The following RFWD3 variants were observed in gnomAD, a reference collection of about 807,000 sequenced individuals.
RFWD3 encodes the protein E3 ubiquitin-protein ligase RFWD3.
RFWD3 carries 65 observed loss-of-function variants against 87.7 expected under a neutral mutation model. That is an observed-to-expected ratio of 0.74 (90% CI 0.61 to 0.91). The LOEUF is 0.91. RFWD3 is among the 40% of genes least tolerant of loss of function. RFWD3 has a pLI of 0.00. For synonymous variants in RFWD3, 433 were observed against 352.8 expected (o/e 1.23, Z -2.55); for missense variants, 1,078 against 938.5 (o/e 1.15, Z -1.94).
chr16:74,657,886 TAAG>T (rs1231899239), intron 2 of RFWD3, among the ~76,000 whole-genome samples: 2 of 152,176 alleles, frequency 1.3e-5, no homozygotes, highest in African/African-American at 4.8e-5. Flanking sequence ...AAGCATTTCA[TAAG>T]AAGATTTAAT....
In RFWD3 at chr16:74,626,366, C is replaced by A. The variant is rs149104426; in HGVS notation, c.2158G>T (p.Asp720Tyr). ...NDGNILVCTGDEAANSALLWD... is the reference protein window; with the variant it reads ...NDGNILVCTGYEAANSALLWD... ...ACCAGGGCAGAATTTGCTGCTTCAT[C>A]CCCAGTACACACCAGGATGTTGCCA... The change falls in exon 12 of 13, where the codon GAT becomes TAT. Residue 720 changes from aspartate to tyrosine, a missense_variant. Asp to Tyr is a radical substitution (Grantham distance 160). Transcript: ENST00000361070. The A allele has an allele frequency of 3.8e-5, 62 of 1,614,032 alleles. No individual in the cohort carries two copies. Among genetic ancestry groups the A allele is most frequent in the Non-Finnish European group, 4.8e-5 (57 of 1,180,010 alleles).
intron 2 of RFWD3, among the ~76,000 whole-genome samples, chr16:74,659,509 C>A (rs190235353): frequency 2.9e-4 from 44 of 152,192 alleles, no homozygotes; most frequent in African/African-American, 1.1e-3. Context: ...GCACAAGAAT[C>A]GCTTGAACCC....
At chr16:74,656,888 C>T (rs1693005215) in intron 2 of RFWD3, among the ~76,000 whole-genome samples, 1 of 152,198 alleles carries the variant, frequency 6.6e-6, no homozygotes, top group South Asian at 2.1e-4. Flanking sequence ...CTCAAGACTT[C>T]AGTTAAGAAA....
rs962579633 is a variant in RFWD3 at position 74,652,187 on chromosome 16, G to C, written c.519-65C>G. On this transcript the variant is annotated intron_variant, in intron 2 of 12. Transcript: ENST00000361070. ...ACTATCATCACAAAAACAATCTATA[G>C]TGATTTGAAGTAAATCCTATCACTT... 4 of 1,419,288 alleles carry C rather than the reference G, an allele frequency of 2.8e-6. No homozygotes were observed. The African/African-American group carries it at 4.2e-5, about 15-fold the overall frequency. 87.9% of individuals were successfully genotyped at this position (1,419,288 alleles called of 1,614,324 possible).
At chr16:74,656,092 C>T (rs1271101484) in intron 2 of RFWD3, among the ~76,000 whole-genome samples, 2 of 152,010 alleles carry the variant, frequency 1.3e-5, no homozygotes, top group East Asian at 1.9e-4. Context: ...CACAGTGGCT[C>T]ACACCTGTAA....
At chr16:74,648,431 A>T (rs1269058806) in intron 4 of RFWD3, among the ~76,000 whole-genome samples, 2 of 150,802 alleles carry the variant, frequency 1.3e-5, no homozygotes, top group African/African-American at 4.9e-5. Flanking sequence ...CTGGGATTAC[A>T]GGTGTAAGCC....
chr16:74,643,546 T>C (rs1221639736), intron 6 of RFWD3, among the ~76,000 whole-genome samples: 1 of 152,166 alleles, frequency 6.6e-6, no homozygotes, highest in Non-Finnish European at 1.5e-5. Context: ...TGTCTCAAAA[T>C]GATTTTGCCT....
rs950372846 is a variant in RFWD3, at chr16:74,623,695, A to G, written c.*233T>C. The G allele has an allele frequency of 4.6e-6, 2 of 431,758 alleles. No homozygotes were observed. Among genetic ancestry groups the G allele is most frequent in the Non-Finnish European group, 4.1e-6 (1 of 245,054 alleles). 26.7% of individuals were successfully genotyped at this position (431,758 alleles called of 1,614,324 possible). ...ATGGTTAATGAAGGCTTTAAACCCA[A>G]GAAATGGATAATGTAGATAAAGTAC... is the stretch of plus-strand genomic sequence containing the variant. On this transcript the variant is annotated 3_prime_UTR_variant, in exon 13 of 13. Transcript: ENST00000361070.
chr16:74,638,772 G>T (rs908090078), intron 6 of RFWD3, among the ~76,000 whole-genome samples: 2 of 152,144 alleles, frequency 1.3e-5, no homozygotes, highest in Non-Finnish European at 2.9e-5. Flanking sequence ...AATTTTAACA[G>T]CAATCTAGAA....
At chr16:74,660,127 A>G (rs1483170232) in intron 2 of RFWD3, among the ~76,000 whole-genome samples, 3 of 152,194 alleles carry the variant, frequency 2.0e-5, no homozygotes, top group African/African-American at 7.2e-5. Context: ...CCATCTGCCT[A>G]TGTAGAAAAC....
intron 2 of RFWD3, chr16:74,660,726 C>A: frequency 1.8e-6 from 1 of 563,820 alleles, no homozygotes; most frequent in Non-Finnish European, 3.1e-6. Context: ...AAACTACCAC[C>A]TAGTTTTCAA....
chr16:74,637,278 T>TA (rs1055702990), intron 7 of RFWD3, among the ~76,000 whole-genome samples: 4 of 152,256 alleles, frequency 2.6e-5, no homozygotes, highest in African/African-American at 9.6e-5. Flanking sequence ...TTTAGGAAGG[T>TA]AAAATTACTT....
At chr16:74,648,859 G>A (rs570124676) in intron 4 of RFWD3, among the ~76,000 whole-genome samples, 1 of 152,264 alleles carries the variant, frequency 6.6e-6, no homozygotes, top group East Asian at 1.9e-4. Flanking sequence ...GCCGAGGCAG[G>A]ACGATACCTT....
intron 1 of RFWD3, among the ~76,000 whole-genome samples, chr16:74,662,036 T>C (rs1162110390): frequency 6.6e-6 from 1 of 152,104 alleles, no homozygotes; most frequent in African/African-American, 2.4e-5. Context: ...TCCATCATGT[T>C]AGCGTATTCA....
chr16:74,662,007 T>A lies in RFWD3; in HGVS notation c.-2-556A>T, dbSNP rs146313026. 6.4e-3 allele frequency among the ~76,000 whole-genome samples: 974 copies of A among 151,852 alleles called. 3 individuals are homozygous for A. Among genetic ancestry groups the A allele is most frequent in the Middle Eastern group, 0.01 (3 of 294 alleles). Reference sequence around the variant, plus strand: ...ACTTTATCCTATCCCTTTCATTATTTTTGTTTTCCATCTCTAATTCCATCA... The same window carrying A: ...ACTTTATCCTATCCCTTTCATTATTATTGTTTTCCATCTCTAATTCCATCA... On this transcript the variant is annotated intron_variant, in intron 1 of 12. Transcript: ENST00000361070.
At chr16:74,646,256 G>C (rs1960131552) in intron 4 of RFWD3, among the ~76,000 whole-genome samples, 1 of 152,120 alleles carries the variant, frequency 6.6e-6, no homozygotes, top group African/African-American at 2.4e-5. Context: ...CATGCCTGCA[G>C]TCCCAAGTAG....
At chr16:74,624,143 T>C (rs2143997743) in intron 12 of RFWD3, 72 bp from the exon 13 acceptor site, 1 of 1,526,420 alleles carries the variant, frequency 6.6e-7, no homozygotes, top group Non-Finnish European at 8.8e-7. Context: ...CTTCATCATC[T>C]AACAAGTCTG....
At position 74,632,659 on chromosome 16, in the gene RFWD3, T is replaced by C. The variant is rs377365468; in HGVS notation, c.1441A>G (p.Met481Val). ...ASFLPGFGVK[M>V]LSTANMKSSQ... ...CTCTTCATGTTGGCAGTACTCAACA[T>C]CTTAACACCAAAGCCTGAAAAAGGC... Residue 481 changes from methionine (M) to valine (V), a missense_variant, in exon 9 of 13, where the codon ATG becomes GTG. By Grantham distance (21) the Met-to-Val change is conservative. Transcript: ENST00000361070. 1 of 1,614,032 alleles carries C rather than the reference T, an allele frequency of 6.2e-7. No individual in the cohort carries two copies. Among genetic ancestry groups the C allele is most frequent in the African/African-American group, 1.3e-5 (1 of 75,034 alleles).
In RFWD3 at chr16:74,626,463, T is replaced by C. The variant is rs1386511251; in HGVS notation, c.2061A>G (p.Val687=). 5 of 1,614,076 alleles carry C rather than the reference T, an allele frequency of 3.1e-6. No individual in the cohort carries two copies. Among genetic ancestry groups the C allele is most frequent in the Non-Finnish European group, 4.2e-6 (5 of 1,180,024 alleles). ...TGNPICSCQP[V]HTFFGGPTCK... is the part of the protein sequence containing the mutation. ...AAGTAGGTCCTCCAAAAAATGTATG[T>C]ACAGGCTGGCAGGAGCAGATTGGAT... The change falls in exon 12 of 13, where the codon GTA becomes GTG. Residue 687 remains valine (V), a synonymous_variant. Transcript: ENST00000361070.
Sources: gnomAD v4.1 joint callset for allele counts (sites outside exome capture counted in the v4.1 genomes callset) on GRCh38, gnomAD v4.1.1 for gene constraint, MANE v1.5 for transcripts, NCBI Gene and HGNC (gene_info 2026-07-23, HGNC 2026-07-21) for gene names.